The following PCDH15 variants were observed in gnomAD, a reference collection of about 807,000 sequenced individuals.
PCDH15 encodes the protein protocadherin related 15.
Under a neutral mutation model 178.5 loss-of-function variants are expected in PCDH15, and 129 were observed. The observed-to-expected ratio is 0.72, with a 90% CI of 0.63 to 0.84. PCDH15 has a LOEUF of 0.84. PCDH15 is among the 40% of genes least tolerant of loss of function. The pLI is 0.00. For synonymous variants in PCDH15, 800 were observed against 732.0 expected (o/e 1.09, Z -1.50); for missense variants, 2,230 against 2,099.9 (o/e 1.06, Z -1.21).
chr10:54,969,100 T>C lies in PCDH15; in HGVS notation c.-79-71600A>G, dbSNP rs187159058. On this transcript the variant is annotated intron_variant, in intron 2 of 5. Coordinates refer to the PCDH15 transcript ENST00000458638. ...TTCTATTATTTTTTTTTTTACTACTTAATGGGTCACAATTTCTTGCTTTTT... is the reference window on the plus strand; with the variant it reads ...TTCTATTATTTTTTTTTTTACTACTCAATGGGTCACAATTTCTTGCTTTTT... 5.3e-5 allele frequency among the ~76,000 whole-genome samples: 8 copies of C among 152,106 alleles called. No individual in the cohort carries two copies. In the East Asian group the frequency reaches 1.4e-3, roughly 26 times the overall value.
At chr10:54,319,373 T>C (rs944498371) in intron 7 of PCDH15, among the ~76,000 whole-genome samples, 1 of 152,128 alleles carries the variant, frequency 6.6e-6, no homozygotes, top group African/African-American at 2.4e-5. Flanking sequence ...TACTGATATA[T>C]ACAACAACAT....
intron 2 of PCDH15, among the ~76,000 whole-genome samples, chr10:55,119,022 G>T (rs944586547): frequency 9.9e-5 from 15 of 152,120 alleles, no homozygotes; most frequent in Non-Finnish European, 2.2e-4. Context: ...TGGGCAGCCA[G>T]TTCTCTCATG....
At chr10:54,139,240 G>A (rs2043165919) in intron 14 of PCDH15, among the ~76,000 whole-genome samples, 1 of 151,782 alleles carries the variant, frequency 6.6e-6, no homozygotes. Context: ...TGAGTTAATG[G>A]CAAAAATACC....
intron 29 of PCDH15, among the ~76,000 whole-genome samples, chr10:53,837,341 G>A (rs2077364700): frequency 1.3e-5 from 2 of 152,002 alleles, no homozygotes; most frequent in Admixed American, 6.5e-5. Context: ...TATAATTATT[G>A]CATAAAATCT....
At chr10:55,341,232 A>G (rs1217163953) in intron 2 of PCDH15, among the ~76,000 whole-genome samples, 1 of 152,042 alleles carries the variant, frequency 6.6e-6, no homozygotes, top group South Asian at 2.1e-4. Flanking sequence ...GTACCTATCA[A>G]CAATAGATTC....
intron 32 of PCDH15, chr10:53,823,517 G>GCTCTTAGA (rs2076455705): frequency 1.2e-6 from 1 of 811,104 alleles, no homozygotes; most frequent in African/African-American, 1.7e-5. Context: ...TTAATTCCCT[G>GCTCTTAGA]CTCTTAGAAA....
At chr10:53,867,832 TA>T (rs1227683740) in intron 26 of PCDH15, among the ~76,000 whole-genome samples, 1 of 152,158 alleles carries the variant, frequency 6.6e-6, no homozygotes, top group African/African-American at 2.4e-5. Flanking sequence ...ATTAATGCCA[TA>T]ACATAATTCT....
chr10:54,454,267 C>T (rs2076673080), intron 3 of PCDH15, among the ~76,000 whole-genome samples: 1 of 149,222 alleles, frequency 6.7e-6, no homozygotes, highest in East Asian at 2.0e-4. Flanking sequence ...ATAATAATTG[C>T]TTTTCATTTA....
intron 3 of PCDH15, among the ~76,000 whole-genome samples, chr10:54,853,084 A>G (rs1953656022): frequency 6.7e-6 from 1 of 150,044 alleles, no homozygotes; most frequent in African/African-American, 2.4e-5. Context: ...AATGTGGAGA[A>G]ACCCCATCTC....
At chr10:54,340,912 A>C (rs908293948) in intron 6 of PCDH15, among the ~76,000 whole-genome samples, 2 of 152,102 alleles carry the variant, frequency 1.3e-5, no homozygotes, top group African/African-American at 4.8e-5. Flanking sequence ...TCCCAGAAAA[A>C]GGTCATATAC....
chr10:54,219,251 G>A (rs1224000009), intron 9 of PCDH15, among the ~76,000 whole-genome samples: 2 of 143,998 alleles, frequency 1.4e-5, no homozygotes, highest in African/African-American at 5.2e-5. Flanking sequence ...CTCCAGCCTG[G>A]GTGACAGAGC....
At chr10:54,514,587 G>T (rs889121121) in intron 3 of PCDH15, among the ~76,000 whole-genome samples, 2 of 149,964 alleles carry the variant, frequency 1.3e-5, no homozygotes, top group Non-Finnish European at 3.0e-5. Flanking sequence ...ATTATATTTT[G>T]TGAGATTTAG....
rs577351864 is a variant in PCDH15 at position 54,584,026 on chromosome 10, T to C, written c.92-56149A>G. On this transcript the variant is annotated intron_variant, in intron 2 of 37. Transcript: ENST00000644397. ...ATAAAAACAATAAAGATACACATGC[T>C]TCAGAATGGAAAGAAAGGTGTTTAC... 6.6e-5 allele frequency among the ~76,000 whole-genome samples: 10 copies of C among 152,228 alleles called. No individual in the cohort carries two copies. In the East Asian group the frequency reaches 1.4e-3, roughly 21 times the overall value.
rs572066623 is a variant in PCDH15, at chr10:54,332,434, T to C, written c.595-2728A>G. Among the ~76,000 whole-genome samples, 73 of 142,196 alleles carry C rather than the reference T, an allele frequency of 5.1e-4. 1 individual carries two copies. In the South Asian group the frequency reaches 0.015, roughly 30 times the overall value. The allele number at this position is 142,196 out of a possible 152,430, so 93.3% of individuals were successfully genotyped here. A position where few individuals can be genotyped will look rare whatever the true frequency, so the allele number is the denominator to read the frequency against. ...GCACTTTGATACATGATTATTCCTG[T>C]CTCTATGTGTTTACACTGTAGGCCT... On this transcript the variant is annotated intron_variant, in intron 6 of 37. Transcript: ENST00000644397.
chr10:55,383,814 A>G (rs527806149), intron 2 of PCDH15, among the ~76,000 whole-genome samples: 2 of 152,296 alleles, frequency 1.3e-5, no homozygotes, highest in East Asian at 3.9e-4. Context: ...TTTTATACCT[A>G]GGATTCCAGA....
intron 34 of PCDH15, among the ~76,000 whole-genome samples, chr10:53,816,929 C>A (rs1466488638): frequency 6.6e-6 from 1 of 152,134 alleles, no homozygotes; most frequent in African/African-American, 2.4e-5. Context: ...CTAATACAGT[C>A]ACCATTGATC....
intron 2 of PCDH15, among the ~76,000 whole-genome samples, chr10:55,391,342 A>C (rs1837787868): frequency 6.6e-6 from 1 of 151,326 alleles, no homozygotes; most frequent in African/African-American, 2.4e-5. Context: ...TGAGTTAGGG[A>C]CTTGTTCTGT....
At chr10:54,934,907 G>T (rs933063379) in intron 2 of PCDH15, among the ~76,000 whole-genome samples, 17 of 152,030 alleles carry the variant, frequency 1.1e-4, no homozygotes, top group South Asian at 6.2e-4. Flanking sequence ...CCATAAAAAA[G>T]GATGAGTTCA....
intron 2 of PCDH15, among the ~76,000 whole-genome samples, chr10:55,116,837 C>T (rs141203722): frequency 2.0e-5 from 3 of 152,202 alleles, no homozygotes; most frequent in South Asian, 2.1e-4. Flanking sequence ...CTGAAGTGGA[C>T]CATAAGGTCC....
Sources: gnomAD v4.1 joint callset for allele counts (sites outside exome capture counted in the v4.1 genomes callset) on GRCh38, gnomAD v4.1.1 for gene constraint, MANE v1.5 for transcripts, NCBI Gene and HGNC (gene_info 2026-07-23, HGNC 2026-07-21) for gene names.